KCTD16: variants seen among roughly 807,000 people sequenced by gnomAD.
KCTD16 encodes the protein potassium channel tetramerization domain containing 16.
Under a neutral mutation model 33.2 loss-of-function variants are expected in KCTD16, and 13 were observed. The observed-to-expected ratio is 0.39, with a 90% CI of 0.25 to 0.62. The LOEUF (loss-of-function observed/expected upper bound fraction) is 0.62. KCTD16 is among the 20% of genes least tolerant of loss of function. The pLI is 0.50. For synonymous variants in KCTD16, 197 were observed against 195.3 expected (o/e 1.01, Z -0.07); for missense variants, 441 against 525.1 (o/e 0.84, Z 1.57).
At chr5:144,236,923 A>G (rs921975535) in intron 3 of KCTD16, among the ~76,000 whole-genome samples, 3 of 152,200 alleles carry the variant, frequency 2.0e-5, no homozygotes, top group Admixed American at 6.5e-5. Context: ...GGCAATGGCT[A>G]TCTTAGCACT....
At chr5:144,364,458 C>T (rs542286913) in intron 3 of KCTD16, among the ~76,000 whole-genome samples, 57 of 152,270 alleles carry the variant, frequency 3.7e-4, no homozygotes, top group South Asian at 3.1e-3. Context: ...GAACAACAAG[C>T]GAGCATGACT....
intron 2 of KCTD16, among the ~76,000 whole-genome samples, chr5:144,191,562 G>T (rs1451758868): frequency 1.3e-5 from 2 of 152,110 alleles, no homozygotes; most frequent in Non-Finnish European, 2.9e-5. Flanking sequence ...ACTCTGTCTA[G>T]TCATGATATT....
chr5:144,401,032 C>T (rs1273911564), intron 3 of KCTD16, among the ~76,000 whole-genome samples: 1 of 152,070 alleles, frequency 6.6e-6, no homozygotes, highest in Non-Finnish European at 1.5e-5. Flanking sequence ...TAGGCAGGGA[C>T]ATATCATGAG....
At chr5:144,224,383 G>GTTTTTTTT (rs530446253) in intron 3 of KCTD16, among the ~76,000 whole-genome samples, 4 of 100,332 alleles carry the variant, frequency 4.0e-5, no homozygotes, top group Non-Finnish European at 3.8e-5. Context: ...AATATAATGT[G>GTTTTTTTT]TTTTTTTTTT....
intron 3 of KCTD16, among the ~76,000 whole-genome samples, chr5:144,347,115 C>T (rs244527): frequency 0.22 from 32,765 of 152,154 alleles, 3,966 homozygotes; most frequent in Non-Finnish European, 0.28. Context: ...GATTAGATTA[C>T]ATTAGGAAAT....
intron 3 of KCTD16, among the ~76,000 whole-genome samples, chr5:144,463,648 C>T (rs1754253914): frequency 1.3e-5 from 2 of 152,194 alleles, no homozygotes; most frequent in Non-Finnish European, 2.9e-5. Context: ...TCTGGGGTCA[C>T]ACTGCCAGAG....
chr5:144,448,838 A>G (rs1419967748), intron 3 of KCTD16, among the ~76,000 whole-genome samples: 1 of 152,048 alleles, frequency 6.6e-6, no homozygotes, highest in African/African-American at 2.4e-5. Context: ...ATTATATCAC[A>G]TTAGGTCTCA....
chr5:144,296,660 C>T (rs533126593), intron 3 of KCTD16, among the ~76,000 whole-genome samples: 1 of 152,192 alleles, frequency 6.6e-6, no homozygotes, highest in South Asian at 2.1e-4. Context: ...ATTCGTCATC[C>T]TCTGGAGCAT....
At chr5:144,430,293 T>A (rs890377925) in intron 3 of KCTD16, among the ~76,000 whole-genome samples, 3 of 152,112 alleles carry the variant, frequency 2.0e-5, no homozygotes, top group African/African-American at 7.2e-5. Flanking sequence ...AAATTTGAAA[T>A]GGGAATTGCT....
chr5:144,430,922 T>C (rs1460188579), intron 3 of KCTD16, among the ~76,000 whole-genome samples: 1 of 152,116 alleles, frequency 6.6e-6, no homozygotes, highest in Non-Finnish European at 1.5e-5. Flanking sequence ...ATAAGCCTCC[T>C]TGAGAATCTA....
At chr5:144,374,913 T>A (rs539261119) in intron 3 of KCTD16, among the ~76,000 whole-genome samples, 1 of 152,344 alleles carries the variant, frequency 6.6e-6, no homozygotes, top group East Asian at 1.9e-4. Context: ...AAGTAGCATA[T>A]GACTTCTCCT....
intron 2 of KCTD16, among the ~76,000 whole-genome samples, chr5:144,201,275 C>A (rs1021489506): frequency 1.3e-5 from 2 of 152,192 alleles, no homozygotes; most frequent in Admixed American, 1.3e-4. Flanking sequence ...TTTTTAACCA[C>A]TGCGATACTG....
At chr5:144,220,889 C>T (rs961799167) in intron 3 of KCTD16, among the ~76,000 whole-genome samples, 2 of 150,356 alleles carry the variant, frequency 1.3e-5, no homozygotes, top group Admixed American at 6.6e-5. Flanking sequence ...TGCAGTGAGC[C>T]GAGATCACGC....
chr5:144,431,957 A>AT (rs1266667643), intron 3 of KCTD16, among the ~76,000 whole-genome samples: 1 of 152,116 alleles, frequency 6.6e-6, no homozygotes, highest in Admixed American at 6.6e-5. Flanking sequence ...CCTCTATGAC[A>AT]TTTTTTCAAT....
chr5:144,276,719 C>T (rs1392005433), intron 3 of KCTD16, among the ~76,000 whole-genome samples: 3 of 152,100 alleles, frequency 2.0e-5, no homozygotes, highest in Non-Finnish European at 4.4e-5. Context: ...GCCTGGCCAA[C>T]ATGGTGAAAC....
At chr5:144,372,742 A>G (rs916165004) in intron 3 of KCTD16, among the ~76,000 whole-genome samples, 2 of 152,206 alleles carry the variant, frequency 1.3e-5, no homozygotes, top group Non-Finnish European at 2.9e-5. Flanking sequence ...AGTTGAATGT[A>G]TGAGGCCTGG....
chr5:144,282,743 A>T (rs981641883), intron 3 of KCTD16, among the ~76,000 whole-genome samples: 4 of 152,252 alleles, frequency 2.6e-5, no homozygotes, highest in African/African-American at 7.2e-5. Context: ...TCTAATATTT[A>T]TGTAGCCCAG....
chr5:144,480,303 C>T lies in KCTD16; in HGVS notation c.*6189C>T, dbSNP rs1754680364. On this transcript the variant is annotated 3_prime_UTR_variant, in exon 4 of 4. Transcript: ENST00000512467. ...AGTTCAGCACAATAGTTTGTCTCTA[C>T]TGTGGATGTCAGTCCTTGAGAATGT... 1 of 149,618 alleles carries T rather than the reference C, an allele frequency of 6.7e-6. No homozygotes were observed. Among genetic ancestry groups the T allele is most frequent in the South Asian group, 2.1e-4 (1 of 4,734 alleles). The allele number at this position is 149,618 out of a possible 1,614,324, so 9.3% of individuals were successfully genotyped here.
chr5:144,241,615 A>G (rs1205832847), intron 3 of KCTD16, among the ~76,000 whole-genome samples: 1 of 152,194 alleles, frequency 6.6e-6, no homozygotes, highest in African/African-American at 2.4e-5. Flanking sequence ...TGTTGAATAC[A>G]GTGATTTTCT....
Sources: allele counts gnomAD v4.1 joint callset (sites outside exome capture counted in the v4.1 genomes callset), GRCh38; gene constraint gnomAD v4.1.1; transcripts MANE v1.5; gene names NCBI Gene and HGNC (gene_info 2026-07-23, HGNC 2026-07-21).